ATP6V1A: variants seen among roughly 807,000 people sequenced by gnomAD.
The protein encoded by ATP6V1A is V-type proton ATPase catalytic subunit A.
In ATP6V1A, 18 loss-of-function variants were observed where a neutral mutation model predicts 70.1. That is an observed-to-expected ratio of 0.26 (90% CI 0.18 to 0.38). The LOEUF (loss-of-function observed/expected upper bound fraction) is 0.38. ATP6V1A is among the 10% of genes least tolerant of loss of function. ATP6V1A has a pLI of 1.00. For synonymous variants in ATP6V1A, 232 were observed against 253.8 expected, an observed-to-expected ratio of 0.91 and a Z score of 0.82; for missense variants, 424 against 772.4, an observed-to-expected ratio of 0.55 and a Z score of 5.35.
At chr3:113,766,376 G>T (rs528243086) in intron 1 of ATP6V1A, among the ~76,000 whole-genome samples, 43 of 152,176 alleles carry the variant, frequency 2.8e-4, no homozygotes, top group African/African-American at 1.0e-3. Flanking sequence ...GCTCAGTGCA[G>T]CCTCAACCTC....
chr3:113,806,904 A>G (rs1709281295), intron 14 of ATP6V1A, among the ~76,000 whole-genome samples: 1 of 152,148 alleles, frequency 6.6e-6, no homozygotes, highest in African/African-American at 2.4e-5. Context: ...TATTTCTGTC[A>G]TGACATCCAG....
intron 12 of ATP6V1A, among the ~76,000 whole-genome samples, chr3:113,800,939 G>A (rs537760915): frequency 2.0e-4 from 30 of 152,190 alleles, no homozygotes; most frequent in Admixed American, 1.5e-3. Flanking sequence ...TGGATGGCTT[G>A]ACTCCAGGAG....
At chr3:113,760,003 T>C (rs1287449769) in intron 1 of ATP6V1A, among the ~76,000 whole-genome samples, 1 of 152,208 alleles carries the variant, frequency 6.6e-6, no homozygotes, top group East Asian at 1.9e-4. Flanking sequence ...GTAAGTGCTA[T>C]TAAGAAGCAA....
At chr3:113,805,805 G>A (rs78933757) in intron 14 of ATP6V1A, among the ~76,000 whole-genome samples, 4 of 152,020 alleles carry the variant, frequency 2.6e-5, no homozygotes, top group Non-Finnish European at 4.4e-5. Flanking sequence ...TCTTCACCTC[G>A]TGATCTGCCC....
intron 6 of ATP6V1A, among the ~76,000 whole-genome samples, chr3:113,788,374 A>G (rs770491758): frequency 4.0e-5 from 6 of 151,220 alleles, no homozygotes; most frequent in Non-Finnish European, 5.9e-5. Flanking sequence ...TTTGCTCGTC[A>G]CCCAGGCTGT....
intron 1 of ATP6V1A, among the ~76,000 whole-genome samples, chr3:113,758,809 GT>G (rs1708672269): frequency 6.6e-6 from 1 of 152,182 alleles, no homozygotes; most frequent in East Asian, 1.9e-4. Flanking sequence ...GAGTGTGTTA[GT>G]TGTTCTACAT....
In ATP6V1A at chr3:113,804,673, C is replaced by G. The variant is rs556789240; in HGVS notation, c.1590-681C>G. On this transcript the variant is annotated intron_variant, in intron 13 of 14. Coordinates refer to ENST00000273398, the MANE Select transcript of ATP6V1A (RefSeq NM_001690.4). ...GAAATCTGCTCTACTGGGAACTTAA[C>G]GAAGCTTCTAGGAACCACCTACACA... Among the ~76,000 whole-genome samples, 68 of 152,168 alleles carry G rather than the reference C, an allele frequency of 4.5e-4. No homozygotes were observed. In the South Asian group the frequency reaches 9.8e-3, roughly 22 times the overall value.
intron 1 of ATP6V1A, among the ~76,000 whole-genome samples, chr3:113,762,075 C>T (rs1577081597): frequency 7.7e-6 from 1 of 129,910 alleles, no homozygotes; most frequent in East Asian, 2.4e-4. Context: ...TTGCTTGAAC[C>T]CGGGAGGCAG....
intron 2 of ATP6V1A, among the ~76,000 whole-genome samples, chr3:113,779,668 T>C (rs774991715): frequency 1.3e-5 from 2 of 151,960 alleles, no homozygotes; most frequent in Non-Finnish European, 1.5e-5. Flanking sequence ...CATTAAAAGG[T>C]TATCAGTATC....
At chr3:113,808,358 C>G (rs1387380415) in intron 14 of ATP6V1A, among the ~76,000 whole-genome samples, 1 of 130,098 alleles carries the variant, frequency 7.7e-6, no homozygotes, top group African/African-American at 2.9e-5. Flanking sequence ...GTGACGCGAT[C>G]TCAGCTCACT....
chr3:113,752,435 GAA>G (rs1365851517), intron 1 of ATP6V1A, among the ~76,000 whole-genome samples: 3 of 151,694 alleles, frequency 2.0e-5, no homozygotes, highest in Admixed American at 6.6e-5. Context: ...ATGCATTAAA[GAA>G]AAAATTAAAA....
intron 1 of ATP6V1A, among the ~76,000 whole-genome samples, chr3:113,777,337 A>G (rs1395685485): frequency 2.6e-5 from 4 of 152,270 alleles, no homozygotes; most frequent in Non-Finnish European, 5.9e-5. Flanking sequence ...ACTTTTAAAG[A>G]GTAAAATATA....
At chr3:113,756,177 T>C (rs999111828) in intron 1 of ATP6V1A, among the ~76,000 whole-genome samples, 1 of 152,172 alleles carries the variant, frequency 6.6e-6, no homozygotes, top group African/African-American at 2.4e-5. Flanking sequence ...GGGCTCAGGA[T>C]TAGAGCCCAG....
At chr3:113,782,695 C>T (rs1708993270) in intron 3 of ATP6V1A, among the ~76,000 whole-genome samples, 2 of 151,160 alleles carry the variant, frequency 1.3e-5, no homozygotes, top group Non-Finnish European at 2.9e-5. Flanking sequence ...ATGATCTCGG[C>T]TTACTGCAAC....
intron 8 of ATP6V1A, among the ~76,000 whole-genome samples, chr3:113,793,100 C>G (rs1190895262): frequency 1.3e-5 from 2 of 152,042 alleles, no homozygotes; most frequent in African/African-American, 4.8e-5. Context: ...CACTCAGTCA[C>G]CCAGGCTGGA....
At chr3:113,749,461 G>T (rs1708561203) in intron 1 of ATP6V1A, among the ~76,000 whole-genome samples, 1 of 152,066 alleles carries the variant, frequency 6.6e-6, no homozygotes. Flanking sequence ...GGCACTTCTG[G>T]TTTTCTTTTC....
chr3:113,805,511 T>C lies in ATP6V1A; in HGVS notation c.1747T>C (p.Ser583Pro), dbSNP rs1709266040. Residue 583 changes from serine to proline, a missense_variant, in exon 14 of 15, where the codon TCC becomes CCC. This residue lies in a region of ATP6V1A where 127 missense variants were observed against 207.9 expected (regional missense o/e 0.61). Transcript: ENST00000273398. ...GGGAGACATCCTCTATAAACTTTCC[T>C]CCATGAAATTCAAGGTATATTTTGT... ...HMGDILYKLSSMKFKDPLKDG... is the reference protein window; with the variant it reads ...HMGDILYKLSPMKFKDPLKDG... 2 of 1,609,080 alleles carry C rather than the reference T, an allele frequency of 1.2e-6. No homozygotes were observed. Among genetic ancestry groups the C allele is most frequent in the Non-Finnish European group, 1.7e-6 (2 of 1,178,276 alleles).
chr3:113,770,090 C>G (rs1342496338), intron 1 of ATP6V1A, among the ~76,000 whole-genome samples: 1 of 151,456 alleles, frequency 6.6e-6, no homozygotes, highest in South Asian at 2.1e-4. Flanking sequence ...ACTCTGTCAC[C>G]CAGGCTGGAG....
At chr3:113,787,449 A>G (rs1336984208) in intron 6 of ATP6V1A, among the ~76,000 whole-genome samples, 1 of 152,230 alleles carries the variant, frequency 6.6e-6, no homozygotes, top group Non-Finnish European at 1.5e-5. Flanking sequence ...AAAGAAGTAA[A>G]TACTCCAATA....
Sources: gnomAD v4.1 joint callset for allele counts (sites outside exome capture counted in the v4.1 genomes callset) on GRCh38, gnomAD v4.1.1 for gene constraint, gnomAD v4.1.1 regional missense constraint, MANE v1.5 for transcripts, NCBI Gene and HGNC (gene_info 2026-07-23, HGNC 2026-07-21) for gene names.